Variants in MCM10 observed in about 807,000 individuals in gnomAD.
MCM10 encodes minichromosome maintenance 10 replication initiation factor.
In MCM10, 91 loss-of-function variants were observed where a neutral mutation model predicts 109.9. The observed-to-expected ratio is 0.83, with a 90% CI of 0.70 to 0.99. The LOEUF is 0.99. MCM10 is among the 50% of genes least tolerant of loss of function. The probability of loss-of-function intolerance (pLI) is 0.00; values close to 1 mark genes in which losing one functional copy is unlikely to be tolerated. For synonymous variants in MCM10, 380 were observed against 387.2 expected (o/e 0.98, Z 0.22); for missense variants, 1,077 against 1,061.2 (o/e 1.01, Z -0.21).
chr10:13,186,328 T>C (rs1281927630), intron 9 of MCM10, 48 bp downstream of exon 9: 5 of 1,300,838 alleles, frequency 3.8e-6, no homozygotes, highest in Non-Finnish European at 5.5e-6. Flanking sequence ...AAAAGAACAG[T>C]TAGGAATAAA....
At chr10:13,197,854 A>C in intron 15 of MCM10, 87 bp downstream of exon 15, 32 of 1,339,586 alleles carry the variant, frequency 2.4e-5, no homozygotes, top group Non-Finnish European at 2.7e-5. Flanking sequence ...CCCAGATATC[A>C]AGCAATTACT....
At position 13,192,471 on chromosome 10, in the gene MCM10, C is replaced by A. The variant is rs772084961; in HGVS notation, c.1648C>A (p.Pro550Thr). ...TASGIMGSPK[P>T]AIKSISASAL... is the part of the protein sequence containing the mutation. ...TTCAGGGATTATGGGGAGCCCAAAA[C>A]CAGCCATCAAGTCCATCTCGGCCTC... The change falls in exon 13 of 20, where the codon CCA (proline) becomes ACA (threonine). Residue 550 changes from proline to threonine, a missense_variant. Pro to Thr is a conservative substitution (Grantham distance 38). Transcript: ENST00000378714. 6.8e-6 allele frequency: 11 copies of A among 1,614,198 alleles called. No individual in the cohort carries two copies. In the South Asian group the frequency reaches 9.9e-5, roughly 14 times the overall value.
intron 18 of MCM10, among the ~76,000 whole-genome samples, chr10:13,205,002 GTATATATATATATA>G (rs576376587): frequency 2.4e-3 from 16 of 6,694 alleles, no homozygotes; most frequent in African/African-American, 5.2e-3. Context: ...ATGTATGTAT[GTATATATATATATA>G]TATATATATA....
At chr10:13,189,611 C>G (rs1834320972) in intron 10 of MCM10, among the ~76,000 whole-genome samples, 1 of 152,246 alleles carries the variant, frequency 6.6e-6, no homozygotes, top group East Asian at 1.9e-4. Flanking sequence ...GCATGAGCCA[C>G]TGCTCCCAGC....
At position 13,210,799 on chromosome 10, in the gene MCM10, A is replaced by C. The variant is rs1834651625; in HGVS notation, c.*1489A>C. The C allele has an allele frequency of 6.6e-6, 1 of 152,234 alleles. No individual in the cohort carries two copies. The highest frequency in any genetic ancestry group is 2.4e-5 in the African/African-American group (1 of 41,466). 9.4% of individuals were successfully genotyped at this position (152,234 alleles called of 1,614,324 possible). A position where few individuals can be genotyped will look rare whatever the true frequency, so the allele number is the denominator to read the frequency against. On this transcript the variant is annotated 3_prime_UTR_variant, in exon 20 of 20. Transcript: ENST00000378714. ...TAAAGTATTTATTAATAAGAACCAG[A>C]AAGCACTTGAAACTGATGTTTTTAA...
intron 15 of MCM10, among the ~76,000 whole-genome samples, chr10:13,197,969 G>A (rs1488563743): frequency 6.7e-6 from 1 of 149,092 alleles, no homozygotes; most frequent in Non-Finnish European, 1.5e-5. Context: ...CTAGAGTGCA[G>A]TGGCGCAGTC....
intron 15 of MCM10, 123 bp downstream of exon 15, chr10:13,197,890 T>A: frequency 2.2e-6 from 2 of 929,000 alleles, no homozygotes; most frequent in Non-Finnish European, 3.1e-6. Flanking sequence ...ATAGAATACC[T>A]AAATAGAATT....
rs1834220391 is a variant in MCM10 at position 13,182,404 on chromosome 10, A to G, written c.931-529A>G. Among the ~76,000 whole-genome samples, 2 of 152,152 alleles carry G rather than the reference A, an allele frequency of 1.3e-5. No homozygotes were observed. Among genetic ancestry groups the G allele is most frequent in the Non-Finnish European group, 2.9e-5 (2 of 68,032 alleles). On this transcript the variant is annotated intron_variant, in intron 7 of 19. Coordinates refer to ENST00000378714, the MANE Select transcript of MCM10 (RefSeq NM_018518.5). This position sits in a 1 kb window ranked among gnomAD's most constrained non-coding sequence, Gnocchi z 4.2. ...GGATGGAGGATTCTTTGAGCCCAGG[A>G]GTTGGAGTGAGCAACGGGACATGAT...
intron 16 of MCM10, among the ~76,000 whole-genome samples, chr10:13,200,364 G>A (rs186459177): frequency 3.3e-5 from 5 of 152,110 alleles, no homozygotes; most frequent in Admixed American, 6.6e-5. Context: ...GCAGCACCCC[G>A]GTCCCTGCCA....
At chr10:13,169,453 G>C (rs1834042314) in intron 2 of MCM10, among the ~76,000 whole-genome samples, 1 of 152,080 alleles carries the variant, frequency 6.6e-6, no homozygotes, top group Admixed American at 6.6e-5. Flanking sequence ...TCCACTTTGA[G>C]AACAATTTGG....
intron 8 of MCM10, among the ~76,000 whole-genome samples, chr10:13,183,570 G>A (rs1170024986): frequency 6.6e-6 from 1 of 152,110 alleles, no homozygotes; most frequent in African/African-American, 2.4e-5. Flanking sequence ...TCAGTATTCT[G>A]AATTTCCACC....
intron 6 of MCM10, among the ~76,000 whole-genome samples, chr10:13,179,990 A>G (rs900050355): frequency 6.6e-6 from 1 of 152,230 alleles, no homozygotes; most frequent in African/African-American, 2.4e-5. Context: ...GCAGTGGTTC[A>G]CACCTGTAAT....
chr10:13,195,671 C>T (rs1177709677), intron 14 of MCM10: 4 of 152,182 alleles, frequency 2.6e-5, no homozygotes, highest in South Asian at 4.1e-4. Context: ...AGTGCAGTGG[C>T]GCAATCTCGG....
chr10:13,197,911 G>A (rs553454395), intron 15 of MCM10, 144 bp downstream of exon 15: 2 of 792,796 alleles, frequency 2.5e-6, no homozygotes, highest in East Asian at 3.1e-5. Context: ...TCTATGGGTG[G>A]AACTGATTTT....
chr10:13,201,296 C>A, intron 16 of MCM10, 125 bp from the exon 17 acceptor site: 1 of 664,842 alleles, frequency 1.5e-6, no homozygotes. Flanking sequence ...CTGCCTCTTC[C>A]ATTCTGTTCT....
At chr10:13,183,827 G>A (rs777338051) in intron 8 of MCM10, among the ~76,000 whole-genome samples, 1 of 152,046 alleles carries the variant, frequency 6.6e-6, no homozygotes, top group Non-Finnish European at 1.5e-5. Context: ...TGGAACTACA[G>A]GTGCATGCCA....
At chr10:13,161,991 C>G (rs2131548965) in intron 1 of MCM10, among the ~76,000 whole-genome samples, 1 of 152,346 alleles carries the variant, frequency 6.6e-6, no homozygotes, top group South Asian at 2.1e-4. Context: ...CACATTTCCG[C>G]TGCCTTCACA....
rs200757478 is a variant in MCM10, at chr10:13,209,202, T to A, written c.2542-25T>A. 5.6e-4 allele frequency: 902 copies of A among 1,606,218 alleles called. 2 individuals are homozygous for A. Among genetic ancestry groups the A allele is most frequent in the South Asian group, 9.7e-4 (88 of 90,906 alleles). ...ATGCTAATAATGTGGAACCATCTCC[T>A]ATTAAAATATTTTCATTTTTCTAGG... is the stretch of plus-strand genomic sequence containing the variant. On this transcript the variant is annotated intron_variant, in intron 19 of 19. Coordinates refer to ENST00000378714, the MANE Select transcript of MCM10 (RefSeq NM_018518.5).
At chr10:13,178,977 T>C (rs1026674753) in intron 6 of MCM10, among the ~76,000 whole-genome samples, 26 of 152,210 alleles carry the variant, frequency 1.7e-4, no homozygotes, top group African/African-American at 6.0e-4. Flanking sequence ...TAAATGGGAT[T>C]ACTTTCTTGA....
Sources: allele counts gnomAD v4.1 joint callset (sites outside exome capture counted in the v4.1 genomes callset), GRCh38; gene constraint gnomAD v4.1.1; non-coding constraint Gnocchi (gnomAD v3.1); transcripts MANE v1.5; gene names NCBI Gene and HGNC (gene_info 2026-07-23, HGNC 2026-07-21).